The following TMEM242 variants were observed in gnomAD, a reference collection of about 807,000 sequenced individuals.
TMEM242 encodes UPF0463 transmembrane protein C6orf35.
In TMEM242, 10 loss-of-function variants were observed where a neutral mutation model predicts 18.2. That is an observed-to-expected ratio of 0.55 (90% CI 0.34 to 0.93). The LOEUF (loss-of-function observed/expected upper bound fraction) is 0.93. TMEM242 is among the 40% of genes least tolerant of loss of function. TMEM242 has a pLI of 0.02. For missense variants in TMEM242, 186 were observed against 175.5 expected (o/e 1.06, Z -0.34); for synonymous variants, 57 against 69.9 (o/e 0.81, Z 0.92).
chr6:157,299,522 C>T, intron 3 of TMEM242: 4 of 1,466,920 alleles, frequency 2.7e-6, no homozygotes, highest in East Asian at 2.3e-5. Flanking sequence ...ATCCAGATTA[C>T]AGCCGCTTCC....
At chr6:157,293,186 C>G (rs587733867) in intron 3 of TMEM242, among the ~76,000 whole-genome samples, 187 bp from the exon 4 acceptor site, 3 of 152,074 alleles carry the variant, frequency 2.0e-5, no homozygotes, top group African/African-American at 7.2e-5. Flanking sequence ...TACTTCCTTT[C>G]TTCTTCTGAG....
rs1224167646 is a variant in TMEM242, at chr6:157,304,482, AAAAAAAAAAG to A, written c.328-11493_328-11484del. Among the ~76,000 whole-genome samples the A allele has an allele frequency of 4.8e-3, 595 of 124,832 alleles. 4 individuals carry two copies. Among genetic ancestry groups the A allele is most frequent in the African/African-American group, 0.018 (574 of 31,464 alleles). 81.9% of individuals were successfully genotyped at this position (124,832 alleles called of 152,430 possible). Reference sequence around the variant, plus strand: ...TCTGTCAAAAAAAAAAAAAAAAAAAAAAAAAAAAAGAGAGAGAGAGAGAGTGCCACTGAAA... The same window carrying A: ...TCTGTCAAAAAAAAAAAAAAAAAAAAAGAGAGAGAGAGAGTGCCACTGAAA... On this transcript the variant is annotated intron_variant, in intron 3 of 3. Coordinates refer to ENST00000400788, the MANE Select transcript of TMEM242 (RefSeq NM_018452.6).
At chr6:157,302,775 C>G (rs9347233) in intron 3 of TMEM242, among the ~76,000 whole-genome samples, 2,080 of 152,276 alleles carry the variant, frequency 0.014, 69 homozygotes, top group South Asian at 0.086. Context: ...AAACCTGACT[C>G]AAATTATCTA....
At position 157,322,705 on chromosome 6, in the gene TMEM242, C is replaced by A; in HGVS notation, c.189G>T (p.Lys63Asn). The A allele has an allele frequency of 1.2e-6, 2 of 1,609,244 alleles. No homozygotes were observed. The highest frequency in any genetic ancestry group is 1.7e-6 in the Non-Finnish European group (2 of 1,177,912). ...ATGAATGGATTTCAGTGTCACCAAC[C>A]TTATTGAACCATTCAGGGCTTTTCT... is the stretch of plus-strand genomic sequence containing the variant. ...AKKKSPEWFN[K>N]GSMATAALPE... The change falls in exon 2 of 4, where the codon AAG (lysine) becomes AAT (asparagine). Residue 63 changes from lysine to asparagine, a missense_variant and splice_region_variant. Coordinates refer to ENST00000400788, the MANE Select transcript of TMEM242 (RefSeq NM_018452.6).
intron 3 of TMEM242, among the ~76,000 whole-genome samples, chr6:157,297,345 C>T (rs1554247234): frequency 6.6e-6 from 1 of 152,140 alleles, no homozygotes; most frequent in East Asian, 1.9e-4. Flanking sequence ...AACATTTGGT[C>T]TAATATACAG....
chr6:157,316,233 T>C (rs1175008528), intron 3 of TMEM242, among the ~76,000 whole-genome samples: 1 of 152,224 alleles, frequency 6.6e-6, no homozygotes. Flanking sequence ...TACTAAGTAC[T>C]ACTTAATAAT....
intron 3 of TMEM242, among the ~76,000 whole-genome samples, chr6:157,308,093 T>C (rs146647858): frequency 3.9e-5 from 6 of 152,318 alleles, no homozygotes; most frequent in Non-Finnish European, 7.4e-5. Flanking sequence ...CCAATGAAAG[T>C]ACATAGCCCT....
chr6:157,310,760 CCTCATCA>C (rs1778011318), intron 3 of TMEM242, among the ~76,000 whole-genome samples: 1 of 140,240 alleles, frequency 7.1e-6, no homozygotes, highest in African/African-American at 2.6e-5. Flanking sequence ...ACTCACCCGG[CCTCATCA>C]TAGGGTCCCA....
chr6:157,313,427 G>A (rs9393150), intron 3 of TMEM242, among the ~76,000 whole-genome samples: 273 of 3,044 alleles, frequency 0.09, 16 homozygotes, highest in Middle Eastern at 0.25. Context: ...GCGCTCACCT[G>A]GCCTCATCAT....
intron 3 of TMEM242, chr6:157,300,034 G>T: frequency 1.1e-6 from 1 of 938,992 alleles, no homozygotes; most frequent in Non-Finnish European, 1.7e-6. Context: ...TGAGCGGCAT[G>T]CGCGCTGCCT....
intron 3 of TMEM242, among the ~76,000 whole-genome samples, chr6:157,303,765 T>C (rs990047822): frequency 6.9e-6 from 1 of 145,960 alleles, no homozygotes; most frequent in Non-Finnish European, 1.5e-5. Flanking sequence ...AATCATAGAA[T>C]GCAAATTGTA....
Position 157,323,465 on chromosome 6 carries a change from G to C in TMEM242, c.35C>G (p.Ala12Gly), listed in dbSNP as rs781869043. 1 of 1,614,050 alleles carries C rather than the reference G, an allele frequency of 6.2e-7. No homozygotes were observed. Among genetic ancestry groups the C allele is most frequent in the South Asian group, 1.1e-5 (1 of 91,078 alleles). The change falls in exon 1 of 4, where the codon GCC becomes GGC. Residue 12 changes from alanine (A) to glycine (G), a missense_variant. Physicochemically the swap from Ala to Gly is moderately conservative, Grantham distance 60. Transcript: ENST00000400788. ...ETAGAATGQP[A>G]SGLEAPGSTN... Reference sequence around the variant, plus strand: ...GGACCCCGGAGCCTCCAGCCCAGAGGCCGGCTGCCCAGTTGCAGCGCCCGC... The same window carrying C: ...GGACCCCGGAGCCTCCAGCCCAGAGCCCGGCTGCCCAGTTGCAGCGCCCGC...
chr6:157,307,587 A>G (rs1308949381), intron 3 of TMEM242, among the ~76,000 whole-genome samples: 1 of 152,206 alleles, frequency 6.6e-6, no homozygotes, highest in Non-Finnish European at 1.5e-5. Flanking sequence ...CCACATATGC[A>G]TCAAGTGCCT....
At chr6:157,311,676 T>C (rs188021141) in intron 3 of TMEM242, among the ~76,000 whole-genome samples, 8 of 82,586 alleles carry the variant, frequency 9.7e-5, no homozygotes, top group African/African-American at 1.5e-4. Flanking sequence ...GGCCTCATCA[T>C]AGTGTCCCAG....
chr6:157,306,923 A>G (rs185027030), intron 3 of TMEM242, among the ~76,000 whole-genome samples: 52 of 152,374 alleles, frequency 3.4e-4, no homozygotes, highest in African/African-American at 1.2e-3. Context: ...TATATAGCAC[A>G]TTAGAAAATG....
At chr6:157,320,348 T>A (rs1377304577) in intron 2 of TMEM242, among the ~76,000 whole-genome samples, 1 of 152,242 alleles carries the variant, frequency 6.6e-6, no homozygotes. Flanking sequence ...TCTTAAATTA[T>A]ATTAGTCATT....
chr6:157,293,208 T>TAATA (rs1324118106), intron 3 of TMEM242, among the ~76,000 whole-genome samples: 1 of 152,108 alleles, frequency 6.6e-6, no homozygotes, highest in Non-Finnish European at 1.5e-5. Context: ...ATAAATTTAT[T>TAATA]AATAAATAAC....
chr6:157,299,850 C>G (rs1777802562), intron 3 of TMEM242: 1 of 1,612,720 alleles, frequency 6.2e-7, no homozygotes, highest in African/African-American at 1.3e-5. Flanking sequence ...TTGCCTTCAT[C>G]AAGATCCACA....
chr6:157,297,351 T>C (rs9365529), intron 3 of TMEM242, among the ~76,000 whole-genome samples: 4,749 of 152,308 alleles, frequency 0.031, 107 homozygotes, highest in East Asian at 0.15. Context: ...TGGTCTAATA[T>C]ACAGTATGCT....
Sources: allele counts gnomAD v4.1 joint callset (sites outside exome capture counted in the v4.1 genomes callset), GRCh38; gene constraint gnomAD v4.1.1; transcripts MANE v1.5; gene names NCBI Gene and HGNC (gene_info 2026-07-23, HGNC 2026-07-21).